Variants in QRFPR observed in about 807,000 individuals in gnomAD.
The protein encoded by QRFPR is pyroglutamylated RFamide peptide receptor.
Under a neutral mutation model 31.3 loss-of-function variants are expected in QRFPR, and 37 were observed. The observed-to-expected ratio is 1.18, with a 90% CI of 0.91 to 1.56. The LOEUF is 1.56. QRFPR is among the 40% of genes most tolerant of loss of function. QRFPR has a pLI of 0.00. For synonymous variants in QRFPR, 197 were observed against 192.0 expected, an observed-to-expected ratio of 1.03 and a Z score of -0.22; for missense variants, 542 against 532.5, an observed-to-expected ratio of 1.02 and a Z score of -0.18.
At chr4:121,379,587 C>T (rs1287022528) in intron 1 of QRFPR, among the ~76,000 whole-genome samples, 1 of 152,162 alleles carries the variant, frequency 6.6e-6, no homozygotes, top group Non-Finnish European at 1.5e-5. Flanking sequence ...ACACTGCTCC[C>T]AACTCAGTGA....
chr4:121,353,848 C>T (rs796932911), intron 1 of QRFPR, among the ~76,000 whole-genome samples: 4 of 152,094 alleles, frequency 2.6e-5, no homozygotes, highest in African/African-American at 9.6e-5. Context: ...AGTTTTAGGT[C>T]TTAGATTTAC....
At chr4:121,366,945 C>T (rs893438872) in intron 1 of QRFPR, among the ~76,000 whole-genome samples, 1 of 150,026 alleles carries the variant, frequency 6.7e-6, no homozygotes, top group Non-Finnish European at 1.5e-5. Flanking sequence ...AGCAAGTCTG[C>T]ACCAGCATCA....
At chr4:121,330,586 G>A (rs745560727) in intron 4 of QRFPR, 63 bp from the exon 5 acceptor site, 22 of 1,211,678 alleles carry the variant, frequency 1.8e-5, no homozygotes, top group Middle Eastern at 1.9e-4. Flanking sequence ...CAGCTTGATA[G>A]CAAAGCTATT....
intron 1 of QRFPR, among the ~76,000 whole-genome samples, chr4:121,365,516 ATTATATATATT>A (rs1560743433): frequency 0.55 from 15,473 of 28,268 alleles, 4,248 homozygotes; most frequent in Middle Eastern, 0.67. Flanking sequence ...TATAATATAT[ATTATATATATT>A]ATATATAATA....
At chr4:121,330,863 G>GT (rs1343624340) in intron 4 of QRFPR, among the ~76,000 whole-genome samples, 13 of 152,166 alleles carry the variant, frequency 8.5e-5, no homozygotes, top group Non-Finnish European at 1.9e-4. Flanking sequence ...AGTAAAGGCT[G>GT]TATCTTGGAT....
Position 121,369,512 on chromosome 4 carries a change from A to G in QRFPR, c.340+10796T>C, listed in dbSNP as rs935327136. On this transcript the variant is annotated intron_variant, in intron 1 of 5. Transcript: ENST00000394427. ...TGGTGGCTGTTTCCTCCCTTCCGTC[A>G]CTGGGAAGTCCATCTTGGGTGGCTT... The G allele has an allele frequency of 7.5e-6, 11 of 1,474,218 alleles. No homozygotes were observed. In the African/African-American group the frequency reaches 1.4e-4, roughly 19 times the overall value. 91.3% of individuals were successfully genotyped at this position (1,474,218 alleles called of 1,614,324 possible).
intron 1 of QRFPR, among the ~76,000 whole-genome samples, chr4:121,349,397 G>A (rs1196006700): frequency 1.3e-5 from 2 of 152,116 alleles, no homozygotes; most frequent in African/African-American, 2.4e-5. Context: ...TACAGATATA[G>A]ATATAGATAC....
At position 121,380,526 on chromosome 4, in the gene QRFPR, G is replaced by T; in HGVS notation, c.122C>A (p.Pro41Gln). 6.2e-7 allele frequency: 1 copy of T among 1,613,214 alleles called. No homozygotes were observed. Residue 41 changes from proline (P) to glutamine (Q), a missense_variant, in exon 1 of 6, where the codon CCG (proline) becomes CAG (glutamine). Transcript: ENST00000394427. ...CACGAGGGCCAGCTTGGCGCGTCCC[G>T]GCAGCTCTGGGGTGTAGACGAGCGG... ...LRPLVYTPEL[P>Q]GRAKLALVLT... is the part of the protein sequence containing the mutation.
rs61733544 is a variant in QRFPR at position 121,380,729 on chromosome 4, G to T, written c.-82C>A. ...CTGCGGGGCAGCGAGGGCTTCGGGG[G>T]ACCAGCCGGAGGCCGCCTCCCTTCC... On this transcript the variant is annotated 5_prime_UTR_variant, in exon 1 of 6. Transcript: ENST00000394427. 2.5e-3 allele frequency: 3,337 copies of T among 1,325,628 alleles called. 67 individuals carry two copies. The East Asian group carries it at 0.035, about 14-fold the overall frequency. The allele number at this position is 1,325,628 out of a possible 1,614,324, so 82.1% of individuals were successfully genotyped here.
chr4:121,373,103 A>C (rs891348025), intron 1 of QRFPR, among the ~76,000 whole-genome samples: 7 of 152,190 alleles, frequency 4.6e-5, no homozygotes, highest in Non-Finnish European at 1.0e-4. Context: ...CTCTTCCCAC[A>C]AACAAGAATC....
Position 121,329,205 on chromosome 4 carries a change from T to G in QRFPR, c.*109A>C. On this transcript the variant is annotated 3_prime_UTR_variant, in exon 6 of 6. Coordinates refer to ENST00000394427, the MANE Select transcript of QRFPR (RefSeq NM_198179.3). ...TTTTTAATGGAAACATGATTTGTTT[T>G]CTTCTTGTCATCATCTTAAGAATAA... is the stretch of plus-strand genomic sequence containing the variant. 1.1e-6 allele frequency: 1 copy of G among 875,656 alleles called. No homozygotes were observed. The highest frequency in any genetic ancestry group is 1.7e-6 in the Non-Finnish European group (1 of 591,510). The allele number at this position is 875,656 out of a possible 1,614,324, so 54.2% of individuals were successfully genotyped here. A position where few individuals can be genotyped will look rare whatever the true frequency, so the allele number is the denominator to read the frequency against.
chr4:121,333,052 T>C lies in QRFPR; in HGVS notation c.566A>G (p.Lys189Arg). Residue 189 changes from lysine to arginine, a missense_variant, in exon 4 of 6, where the codon AAA (lysine) becomes AGA (arginine). Lys to Arg is a conservative substitution (Grantham distance 26, BLOSUM62 2). Transcript: ENST00000394427. Reference protein sequence around the residue: ...PMWHVQQLEIKYDFLYEKEHI... With the variant: ...PMWHVQQLEIRYDFLYEKEHI... ...TTCCTTTTCATATAGGAAGTCATAT[T>C]TGATCTTCATAATAAGAATAATTCA... is the stretch of plus-strand genomic sequence containing the variant. The C allele has an allele frequency of 6.3e-7, 1 of 1,595,140 alleles. No homozygotes were observed. The highest frequency in any genetic ancestry group is 8.6e-7 in the Non-Finnish European group (1 of 1,163,502).
chr4:121,347,753 T>C (rs1298020581), intron 1 of QRFPR, among the ~76,000 whole-genome samples: 1 of 152,134 alleles, frequency 6.6e-6, no homozygotes, highest in Non-Finnish European at 1.5e-5. Flanking sequence ...AGACTGATAG[T>C]TTTTCATTCT....
At position 121,380,652 on chromosome 4, in the gene QRFPR, G is replaced by A; in HGVS notation, c.-5C>T. On this transcript the variant is annotated 5_prime_UTR_variant, in exon 1 of 6. Transcript: ENST00000394427. Reference sequence around the variant, plus strand: ...GGTAATGTTAAGCGCCTGCATTGCTGTGCGCTCCCGGGACGCGGGGCCACC... The same window carrying A: ...GGTAATGTTAAGCGCCTGCATTGCTATGCGCTCCCGGGACGCGGGGCCACC... 1 of 1,513,024 alleles carries A rather than the reference G, an allele frequency of 6.6e-7. No individual in the cohort carries two copies. The highest frequency in any genetic ancestry group is 1.3e-5 in the South Asian group (1 of 76,884). The allele number at this position is 1,513,024 out of a possible 1,614,324, so 93.7% of individuals were successfully genotyped here.
intron 1 of QRFPR, among the ~76,000 whole-genome samples, chr4:121,361,357 A>G (rs13122399): frequency 0.27 from 40,883 of 149,492 alleles, 7,755 homozygotes; most frequent in Non-Finnish European, 0.36. Flanking sequence ...AAGCTTTACT[A>G]GCATAGAGTC....
At chr4:121,361,294 T>A (rs1232238078) in intron 1 of QRFPR, among the ~76,000 whole-genome samples, 1 of 150,000 alleles carries the variant, frequency 6.7e-6, no homozygotes, top group Non-Finnish European at 1.5e-5. Context: ...CAAGTAAAAG[T>A]GATAGTGTAT....
chr4:121,357,016 TAAAG>T (rs1725883693), intron 1 of QRFPR, among the ~76,000 whole-genome samples: 1 of 152,128 alleles, frequency 6.6e-6, no homozygotes, highest in East Asian at 1.9e-4. Flanking sequence ...AAAACCTAAA[TAAAG>T]AGTTACTCTA....
At chr4:121,338,062 A>G (rs1330241021) in intron 2 of QRFPR, among the ~76,000 whole-genome samples, 2 of 152,206 alleles carry the variant, frequency 1.3e-5, no homozygotes, top group Non-Finnish European at 2.9e-5. Flanking sequence ...AAAGAAACAC[A>G]TAATTTGGTG....
At chr4:121,364,528 T>A (rs1286146752) in intron 1 of QRFPR, among the ~76,000 whole-genome samples, 1 of 148,842 alleles carries the variant, frequency 6.7e-6, no homozygotes, top group Non-Finnish European at 1.5e-5. Flanking sequence ...TAGTCCCAGC[T>A]ACTCTGGAAG....
Sources: allele counts gnomAD v4.1 joint callset (sites outside exome capture counted in the v4.1 genomes callset), GRCh38; gene constraint gnomAD v4.1.1; transcripts MANE v1.5; gene names NCBI Gene and HGNC (gene_info 2026-07-23, HGNC 2026-07-21).